Variants in CNTN4 observed in about 807,000 individuals in gnomAD.
CNTN4 encodes contactin-4.
A neutral mutation model predicts 122.5 loss-of-function variants in CNTN4; 77 were observed. The observed-to-expected ratio is 0.63, with a 90% CI of 0.52 to 0.76. The LOEUF (loss-of-function observed/expected upper bound fraction) is 0.76. Ranked by LOEUF, CNTN4 falls within the 30% of genes least tolerant of loss-of-function variation. The pLI is 0.00. For synonymous variants in CNTN4, 512 were observed against 447.0 expected (o/e 1.15, Z -1.83); for missense variants, 1,256 against 1,259.1 (o/e 1.00, Z 0.04).
intron 2 of CNTN4, among the ~76,000 whole-genome samples, chr3:2,198,863 C>G (rs1575064824): frequency 6.6e-6 from 1 of 152,178 alleles, no homozygotes; most frequent in Non-Finnish European, 1.5e-5. Context: ...GTTTTATGTT[C>G]TCATCCCATT....
chr3:2,785,314 T>C (rs1170794184), intron 6 of CNTN4, among the ~76,000 whole-genome samples: 1 of 152,108 alleles, frequency 6.6e-6, no homozygotes, highest in Non-Finnish European at 1.5e-5. Context: ...ATAGTGTAAA[T>C]TCCAGGCCAA....
chr3:2,107,205 C>T lies in CNTN4; in HGVS notation c.-145+6566C>T, dbSNP rs1257143301. 2.0e-5 allele frequency among the ~76,000 whole-genome samples: 3 copies of T among 152,150 alleles called. 1 individual carries two copies. In the South Asian group the frequency reaches 6.2e-4, roughly 32 times the overall value. On this transcript the variant is annotated intron_variant, in intron 2 of 24. Coordinates refer to ENST00000418658, the MANE Select transcript of CNTN4 (RefSeq NM_175607.3). ...TGTTACCCAATTACAAAGTTGCTTC[C>T]ACATTTTCGGGTATCTTTATAGCAG...
rs2083080227 is a variant in CNTN4 at position 2,645,518 on chromosome 3, C to A, written c.55+73960C>A. 2.0e-5 allele frequency among the ~76,000 whole-genome samples: 3 copies of A among 152,120 alleles called. No homozygotes were observed. The South Asian group carries it at 6.2e-4, about 32-fold the overall frequency. ...TTTATATACTGAATAATCTCATTTG[C>A]ATATCCAATTAATTCTTCCTGTTTT... On this transcript the variant is annotated intron_variant, in intron 4 of 24. Coordinates refer to ENST00000418658, the MANE Select transcript of CNTN4 (RefSeq NM_175607.3).
At chr3:2,923,431 G>T (rs1488997323) in intron 12 of CNTN4, among the ~76,000 whole-genome samples, 1 of 152,052 alleles carries the variant, frequency 6.6e-6, no homozygotes, top group South Asian at 2.1e-4. Context: ...AATGATGTCA[G>T]TATAACATAG....
At chr3:2,685,474 A>G (rs1212825942) in intron 4 of CNTN4, among the ~76,000 whole-genome samples, 1 of 152,190 alleles carries the variant, frequency 6.6e-6, no homozygotes, top group Non-Finnish European at 1.5e-5. Context: ...ACTGTCCCAT[A>G]CAATACAAGA....
intron 6 of CNTN4, among the ~76,000 whole-genome samples, chr3:2,749,433 A>G (rs888388111): frequency 6.6e-5 from 10 of 150,572 alleles, no homozygotes; most frequent in African/African-American, 2.2e-4. Flanking sequence ...TCAGCCTCCC[A>G]ACAAGGTGAG....
At chr3:2,571,363 CCA>C (rs2079412875) in intron 3 of CNTN4, 51 bp from the exon 4 acceptor site, 1 of 711,086 alleles carries the variant, frequency 1.4e-6, no homozygotes, top group Non-Finnish European at 2.6e-6. Context: ...CTTGCAGAGA[CCA>C]CAAGGAGAAA....
intron 6 of CNTN4, among the ~76,000 whole-genome samples, chr3:2,802,583 C>A (rs972485993): frequency 6.6e-6 from 1 of 152,098 alleles, no homozygotes; most frequent in Admixed American, 6.5e-5. Flanking sequence ...GTATTAAATA[C>A]CATGTCTTCA....
intron 4 of CNTN4, among the ~76,000 whole-genome samples, chr3:2,729,191 C>T (rs1202875141): frequency 2.0e-5 from 3 of 152,302 alleles, no homozygotes; most frequent in East Asian, 1.9e-4. Flanking sequence ...CTTCATCCCA[C>T]GGAGTAGCCG....
In CNTN4 at chr3:2,824,594, G is replaced by A. The variant is rs149325508; in HGVS notation, c.454+5013G>A. On this transcript the variant is annotated intron_variant, in intron 7 of 24. Coordinates refer to ENST00000418658, the MANE Select transcript of CNTN4 (RefSeq NM_175607.3). ...CAGCCCTGCTGAGATGGAGTGCTTCGATTTCCACATCACTCAAGCCGAAGG... is the reference window on the plus strand; with the variant it reads ...CAGCCCTGCTGAGATGGAGTGCTTCAATTTCCACATCACTCAAGCCGAAGG... Among the ~76,000 whole-genome samples the A allele has an allele frequency of 3.3e-3, 495 of 152,292 alleles. 5 individuals are homozygous for A. Among genetic ancestry groups the A allele is most frequent in the Non-Finnish European group, 5.1e-3 (344 of 68,018 alleles).
chr3:2,277,728 T>C (rs1355926460), intron 2 of CNTN4, among the ~76,000 whole-genome samples: 5 of 152,178 alleles, frequency 3.3e-5, no homozygotes, highest in Admixed American at 6.5e-5. Context: ...GTTTGTCCTT[T>C]TGTCACTTGG....
chr3:2,964,184 C>T (rs1293498168), intron 13 of CNTN4, among the ~76,000 whole-genome samples: 1 of 152,144 alleles, frequency 6.6e-6, no homozygotes, highest in African/African-American at 2.4e-5. Context: ...CTTTTCCTCT[C>T]AATTCCCTAT....
chr3:2,849,424 T>A (rs2093509860), intron 7 of CNTN4, among the ~76,000 whole-genome samples: 1 of 152,228 alleles, frequency 6.6e-6, no homozygotes, highest in South Asian at 2.1e-4. Context: ...TTATATGTAT[T>A]TTGCCACACT....
chr3:2,525,881 C>T (rs576060967), intron 3 of CNTN4, among the ~76,000 whole-genome samples: 1 of 152,172 alleles, frequency 6.6e-6, no homozygotes, highest in East Asian at 1.9e-4. Flanking sequence ...CACACACATG[C>T]ACAAACACAT....
chr3:2,977,479 A>G (rs1268268357), intron 13 of CNTN4, among the ~76,000 whole-genome samples: 36 of 151,834 alleles, frequency 2.4e-4, no homozygotes, highest in Admixed American at 2.4e-3. Context: ...ACCACCCCCA[A>G]ACTGTCTTTT....
intron 4 of CNTN4, among the ~76,000 whole-genome samples, chr3:2,595,536 C>T (rs1019406319): frequency 3.3e-5 from 5 of 152,096 alleles, no homozygotes; most frequent in South Asian, 4.1e-4. Context: ...AGCAAGGGTC[C>T]GTTCTCTTCA....
intron 14 of CNTN4, among the ~76,000 whole-genome samples, chr3:3,001,870 C>T (rs1477463594): frequency 6.6e-6 from 1 of 152,166 alleles, no homozygotes; most frequent in Non-Finnish European, 1.5e-5. Context: ...GCATTTCACT[C>T]CCATATCTAT....
chr3:3,048,263 T>C (rs1024928194), intron 23 of CNTN4, among the ~76,000 whole-genome samples: 3 of 151,730 alleles, frequency 2.0e-5, no homozygotes, highest in Non-Finnish European at 4.4e-5. Context: ...ACAATGAAAA[T>C]GACACAGATT....
chr3:2,252,311 G>A (rs560458324), intron 2 of CNTN4, among the ~76,000 whole-genome samples: 118 of 151,832 alleles, frequency 7.8e-4, no homozygotes, highest in Non-Finnish European at 1.1e-3. Flanking sequence ...CAAAACATTA[G>A]GTTTTTAAAT....
Sources: gnomAD v4.1 joint callset for allele counts (sites outside exome capture counted in the v4.1 genomes callset) on GRCh38, gnomAD v4.1.1 for gene constraint, MANE v1.5 for transcripts, NCBI Gene and HGNC (gene_info 2026-07-23, HGNC 2026-07-21) for gene names.